ITGBL1: variants seen among roughly 807,000 people sequenced by gnomAD.
ITGBL1 encodes the protein integrin subunit beta like 1.
A neutral mutation model predicts 68.5 loss-of-function variants in ITGBL1; 51 were observed. That is an observed-to-expected ratio of 0.74 (90% CI 0.59 to 0.94). The LOEUF (loss-of-function observed/expected upper bound fraction) is 0.94. ITGBL1 is among the 40% of genes least tolerant of loss of function. The pLI is 0.00. For synonymous variants in ITGBL1, 209 were observed against 227.3 expected (o/e 0.92, Z 0.72); for missense variants, 649 against 647.4 (o/e 1.00, Z -0.03).
chr13:101,700,488 C>A (rs1033182830), intron 8 of ITGBL1, among the ~76,000 whole-genome samples: 2 of 152,198 alleles, frequency 1.3e-5, no homozygotes, highest in African/African-American at 4.8e-5. Context: ...TCCCCATATT[C>A]ATTCCTCCCA....
chr13:101,586,042 T>C (rs1221361116), intron 6 of ITGBL1, among the ~76,000 whole-genome samples: 1 of 152,104 alleles, frequency 6.6e-6, no homozygotes, highest in East Asian at 1.9e-4. Flanking sequence ...ACTCCTGAAC[T>C]GACACTTCAA....
chr13:101,663,652 T>G (rs563976284), intron 7 of ITGBL1, among the ~76,000 whole-genome samples: 1 of 152,280 alleles, frequency 6.6e-6, no homozygotes, highest in East Asian at 1.9e-4. Context: ...GGTTTCCCAA[T>G]CAAAAGCAGA....
chr13:101,562,256 CAGAA>C (rs150737790), intron 2 of ITGBL1, among the ~76,000 whole-genome samples: 18,160 of 151,610 alleles, frequency 0.12, 1,431 homozygotes, highest in African/African-American at 0.22. Context: ...ATAAACAAAA[CAGAA>C]AGCAGAAAAA....
chr13:101,605,804 G>A (rs1001703090), intron 7 of ITGBL1, among the ~76,000 whole-genome samples: 1 of 135,310 alleles, frequency 7.4e-6, no homozygotes, highest in Non-Finnish European at 1.6e-5. Flanking sequence ...ATGTACTCGT[G>A]TGTAGACATG....
chr13:101,478,886 C>T (rs2139033292), intron 2 of ITGBL1, among the ~76,000 whole-genome samples: 1 of 152,050 alleles, frequency 6.6e-6, no homozygotes, highest in Non-Finnish European at 1.5e-5. Flanking sequence ...CCATACTACC[C>T]AAAGCAATCT....
At chr13:101,462,963 G>T (rs2048337289) in intron 2 of ITGBL1, among the ~76,000 whole-genome samples, 1 of 152,166 alleles carries the variant, frequency 6.6e-6, no homozygotes, top group African/African-American at 2.4e-5. Context: ...ACAGTTGCCT[G>T]CATTCAGTTC....
chr13:101,710,101 G>A (rs2034392050), intron 9 of ITGBL1, among the ~76,000 whole-genome samples: 1 of 152,172 alleles, frequency 6.6e-6, no homozygotes, highest in Non-Finnish European at 1.5e-5. Context: ...TGTTTGCTTT[G>A]GGAGGTGGCG....
At chr13:101,600,697 A>T (rs564967680) in intron 7 of ITGBL1, among the ~76,000 whole-genome samples, 1 of 152,070 alleles carries the variant, frequency 6.6e-6, no homozygotes, top group African/African-American at 2.4e-5. Flanking sequence ...TGAGATAATC[A>T]TGTGATTTTT....
intron 2 of ITGBL1, among the ~76,000 whole-genome samples, chr13:101,536,630 T>C (rs1268505923): frequency 6.6e-6 from 1 of 151,998 alleles, no homozygotes; most frequent in Middle Eastern, 3.2e-3. Flanking sequence ...CAATAATTCA[T>C]TGTGCTAATA....
At chr13:101,654,167 A>G (rs1016438869) in intron 7 of ITGBL1, among the ~76,000 whole-genome samples, 20 of 152,198 alleles carry the variant, frequency 1.3e-4, no homozygotes, top group Admixed American at 8.5e-4. Context: ...TCAGATGATC[A>G]TAACTGAGGC....
At chr13:101,631,148 A>G (rs1377857368) in intron 7 of ITGBL1, among the ~76,000 whole-genome samples, 2 of 152,160 alleles carry the variant, frequency 1.3e-5, no homozygotes, top group African/African-American at 4.8e-5. Context: ...TTGATCCTGG[A>G]ACTTTTCTCC....
intron 2 of ITGBL1, among the ~76,000 whole-genome samples, chr13:101,521,789 G>T (rs1413422752): frequency 6.6e-6 from 1 of 151,952 alleles, no homozygotes; most frequent in Admixed American, 6.6e-5. Flanking sequence ...TGTCCCTCTG[G>T]ACTAGTTCTT....
At chr13:101,505,519 A>G (rs1375013249) in intron 2 of ITGBL1, among the ~76,000 whole-genome samples, 1 of 152,190 alleles carries the variant, frequency 6.6e-6, no homozygotes, top group Non-Finnish European at 1.5e-5. Flanking sequence ...ATAATGAATA[A>G]AACATTCATT....
At chr13:101,496,932 C>A (rs888300760) in intron 2 of ITGBL1, among the ~76,000 whole-genome samples, 1 of 152,124 alleles carries the variant, frequency 6.6e-6, no homozygotes, top group Admixed American at 6.5e-5. Context: ...TTCACAGGGG[C>A]CTGTGGAAAG....
chr13:101,661,374 C>T (rs1005748833), intron 7 of ITGBL1, among the ~76,000 whole-genome samples: 2 of 152,118 alleles, frequency 1.3e-5, no homozygotes, highest in Non-Finnish European at 2.9e-5. Context: ...CCTCTTCAGT[C>T]CTCATTTCAT....
rs775591671 is a variant in ITGBL1 at position 101,692,668 on chromosome 13, C to T, written c.1099C>T (p.Arg367Cys). The T allele has an allele frequency of 1.1e-5, 17 of 1,613,354 alleles. No individual in the cohort carries two copies. The highest frequency in any genetic ancestry group is 6.7e-5 in the African/African-American group (5 of 74,872). The change falls in exon 8 of 11, where the codon CGC (arginine) becomes TGC (cysteine). Residue 367 changes from arginine to cysteine, a missense_variant. By Grantham distance (180) the Arg-to-Cys change is radical (BLOSUM62 -3). Coordinates refer to ENST00000376180, the MANE Select transcript of ITGBL1 (RefSeq NM_004791.3). Reference sequence around the variant, plus strand: ...CAAGACTTGTGAGTGTGATGATCGCCGCTGTGAAGACCTCGATGGTGTGGT... The same window carrying T: ...CAAGACTTGTGAGTGTGATGATCGCTGCTGTGAAGACCTCGATGGTGTGGT... ...YGKTCECDDR[R>C]CEDLDGVVCG... is the part of the protein sequence containing the mutation.
chr13:101,558,069 G>C, intron 2 of ITGBL1, among the ~76,000 whole-genome samples: 1 of 101,180 alleles, frequency 9.9e-6, no homozygotes, highest in Non-Finnish European at 1.8e-5. Context: ...GGGAGACAGA[G>C]CAAAACTCCG....
intron 2 of ITGBL1, among the ~76,000 whole-genome samples, chr13:101,455,846 G>A (rs2048236442): frequency 6.6e-6 from 1 of 152,112 alleles, no homozygotes; most frequent in Non-Finnish European, 1.5e-5. Context: ...CCTCTGGCAA[G>A]CCCTCTTCAA....
chr13:101,471,862 G>A (rs2048466187), intron 2 of ITGBL1, among the ~76,000 whole-genome samples: 1 of 152,122 alleles, frequency 6.6e-6, no homozygotes, highest in Admixed American at 6.5e-5. Context: ...AGTGAGTGAG[G>A]AGCTCACAGC....
Sources: allele counts gnomAD v4.1 joint callset (sites outside exome capture counted in the v4.1 genomes callset), GRCh38; gene constraint gnomAD v4.1.1; transcripts MANE v1.5; gene names NCBI Gene and HGNC (gene_info 2026-07-23, HGNC 2026-07-21).